RALGAPA1: variants seen among roughly 807,000 people sequenced by gnomAD.
The protein encoded by RALGAPA1 is ral GTPase-activating protein subunit alpha-1.
Under a neutral mutation model 269.6 loss-of-function variants are expected in RALGAPA1, and 52 were observed. That is an observed-to-expected ratio of 0.19 (90% CI 0.15 to 0.24). RALGAPA1 has a LOEUF of 0.24. Among genes scored for constraint, RALGAPA1 ranks in the 10% least tolerant of loss-of-function variants. The pLI, the probability that RALGAPA1 is intolerant of heterozygous loss-of-function variation, is 1.00. For missense variants in RALGAPA1, 1,917 were observed against 3,013.9 expected (o/e 0.64, Z 8.52); for synonymous variants, 817 against 1,008.3 (o/e 0.81, Z 3.60).
intron 16 of RALGAPA1, among the ~76,000 whole-genome samples, chr14:35,714,228 G>A (rs542943056): frequency 2.0e-5 from 3 of 152,126 alleles, no homozygotes; most frequent in Admixed American, 6.5e-5. Flanking sequence ...CAAAGTAGCC[G>A]TACCATTTTA....
At chr14:35,796,503 A>G (rs1465929054) in intron 1 of RALGAPA1, among the ~76,000 whole-genome samples, 1 of 152,196 alleles carries the variant, frequency 6.6e-6, no homozygotes, top group Admixed American at 6.5e-5. Context: ...AGTTTGATGA[A>G]AACTATAAAC....
intron 13 of RALGAPA1, among the ~76,000 whole-genome samples, chr14:35,727,556 T>C (rs924571124): frequency 2.6e-5 from 4 of 151,726 alleles, no homozygotes; most frequent in African/African-American, 9.7e-5. Flanking sequence ...TCCAATCAAT[T>C]AGACAACTAT....
Position 35,760,992 on chromosome 14 carries a change from A to G in RALGAPA1, c.384T>C (p.Gly128=). Residue 128 remains glycine, a synonymous_variant, in exon 6 of 42, where the codon GGT becomes GGC. Transcript: ENST00000680220. ...GCAACCATAGTAAGAAAAGACGAACACCTTCCCGCCTAATCTAAAATAAAA... is the reference window on the plus strand; with the variant it reads ...GCAACCATAGTAAGAAAAGACGAACGCCTTCCCGCCTAATCTAAAATAAAA... ...TGNSLKIRRE[G]VRLFLLWLQA... is the part of the protein sequence containing the mutation. 1.9e-6 allele frequency: 3 copies of G among 1,596,652 alleles called. 1 individual carries two copies.
At chr14:35,743,092 T>C (rs1457069346) in intron 10 of RALGAPA1, among the ~76,000 whole-genome samples, 1 of 151,914 alleles carries the variant, frequency 6.6e-6, no homozygotes, top group South Asian at 2.1e-4. Flanking sequence ...GAAGAAACTG[T>C]AGTACCTAGA....
intron 26 of RALGAPA1, among the ~76,000 whole-genome samples, chr14:35,665,615 T>C (rs1399425065): frequency 1.3e-5 from 2 of 152,176 alleles, no homozygotes; most frequent in Non-Finnish European, 2.9e-5. Context: ...TATTATATGA[T>C]TTTCAACAAA....
intron 37 of RALGAPA1, among the ~76,000 whole-genome samples, chr14:35,590,834 C>G (rs1307203129): frequency 1.3e-5 from 2 of 152,156 alleles, no homozygotes; most frequent in Non-Finnish European, 2.9e-5. Flanking sequence ...GTGCGAAGAG[C>G]TTTGATATCA....
Position 35,627,121 on chromosome 14 carries a change from T to C in RALGAPA1, c.6826A>G (p.Ser2276Gly). 1 of 1,560,052 alleles carries C rather than the reference T, an allele frequency of 6.4e-7. No individual in the cohort carries two copies. Among genetic ancestry groups the C allele is most frequent in the Non-Finnish European group, 8.6e-7 (1 of 1,159,652 alleles). ...SAFYYCRLLL[S>G]ILGMNSWDKR... ...TCCCAGGAATTCATTCCCAATATAC[T>C]AAGAAGCAATCTGCAATAATAAAAT... The change falls in exon 34 of 42, where the codon AGT (serine) becomes GGT (glycine). Residue 2276 changes from serine (S) to glycine (G), a missense_variant. Around this residue, in one of 11 missense-constraint regions of RALGAPA1, gnomAD observed 132 missense variants for 271.2 expected, o/e 0.49. Coordinates refer to ENST00000680220, the MANE Select transcript of RALGAPA1 (RefSeq NM_001346249.2).
chr14:35,693,194 T>C, intron 17 of RALGAPA1, among the ~76,000 whole-genome samples: 1 of 151,824 alleles, frequency 6.6e-6, no homozygotes, highest in African/African-American at 2.4e-5. Context: ...TAAAAAACCA[T>C]AAAGCCAGGC....
chr14:35,691,410 A>C (rs1229923352), intron 17 of RALGAPA1, among the ~76,000 whole-genome samples: 1 of 152,230 alleles, frequency 6.6e-6, no homozygotes, highest in African/African-American at 2.4e-5. Context: ...TCAGCAAAAT[A>C]TAATGAAGAA....
intron 26 of RALGAPA1, among the ~76,000 whole-genome samples, chr14:35,668,082 T>C (rs1485075893): frequency 2.6e-5 from 4 of 152,184 alleles, no homozygotes; most frequent in Non-Finnish European, 5.9e-5. Flanking sequence ...TTCTCTTTCA[T>C]ATGTGGGAGC....
At chr14:35,575,474 A>C (rs2057492085) in intron 37 of RALGAPA1, among the ~76,000 whole-genome samples, 1 of 152,204 alleles carries the variant, frequency 6.6e-6, no homozygotes, top group Non-Finnish European at 1.5e-5. Context: ...GAGACCTTAA[A>C]GTTCTAATTT....
At chr14:35,714,995 C>T (rs576345714) in intron 16 of RALGAPA1, among the ~76,000 whole-genome samples, 18 of 152,284 alleles carry the variant, frequency 1.2e-4, no homozygotes, top group Admixed American at 9.8e-4. Context: ...CATTTTTTCT[C>T]TTTGCAGTCT....
intron 38 of RALGAPA1, among the ~76,000 whole-genome samples, chr14:35,572,027 A>G (rs1048998408): frequency 6.6e-6 from 1 of 152,220 alleles, no homozygotes; most frequent in African/African-American, 2.4e-5. Context: ...TTATCCTGGA[A>G]GAAAATATTT....
At chr14:35,668,796 C>A (rs1335950322) in intron 26 of RALGAPA1, among the ~76,000 whole-genome samples, 1 of 151,888 alleles carries the variant, frequency 6.6e-6, no homozygotes, top group Non-Finnish European at 1.5e-5. Flanking sequence ...CAGAGCAAGA[C>A]CCTGATATCT....
intron 39 of RALGAPA1, among the ~76,000 whole-genome samples, chr14:35,562,991 A>G (rs903001265): frequency 2.3e-5 from 3 of 128,872 alleles, no homozygotes; most frequent in African/African-American, 8.9e-5. Context: ...ACTGTACTCC[A>G]GCCTGGGCAA....
intron 10 of RALGAPA1, among the ~76,000 whole-genome samples, chr14:35,746,470 A>G (rs140249422): frequency 6.6e-6 from 1 of 152,336 alleles, no homozygotes; most frequent in African/African-American, 2.4e-5. Flanking sequence ...GATTGATTGT[A>G]GTAATCATCC....
chr14:35,652,540 G>C (rs1045035236), intron 30 of RALGAPA1, among the ~76,000 whole-genome samples: 15 of 152,038 alleles, frequency 9.9e-5, no homozygotes, highest in Middle Eastern at 3.2e-3. Context: ...GAGTAGCTGG[G>C]ATTACAGGTG....
At chr14:35,540,134 C>A (rs1404847936) in intron 41 of RALGAPA1, among the ~76,000 whole-genome samples, 1 of 151,898 alleles carries the variant, frequency 6.6e-6, no homozygotes, top group Non-Finnish European at 1.5e-5. Context: ...TTTGGAACCA[C>A]GGGTTTCAAA....
Position 35,539,657 on chromosome 14 carries a change from G to T in RALGAPA1, c.*57C>A. 1.2e-6 allele frequency: 2 copies of T among 1,614,124 alleles called. No individual in the cohort carries two copies. Among genetic ancestry groups the T allele is most frequent in the Non-Finnish European group, 1.7e-6 (2 of 1,180,020 alleles). On this transcript the variant is annotated 3_prime_UTR_variant, in exon 42 of 42. Transcript: ENST00000680220. ...AGCCCCATCTACCTGCGTTGCTGTG[G>T]GAGTTTCACTGGGTAGAATCTCTGG... is the stretch of plus-strand genomic sequence containing the variant.
Sources: allele counts gnomAD v4.1 joint callset (sites outside exome capture counted in the v4.1 genomes callset), GRCh38; gene constraint gnomAD v4.1.1; regional missense constraint gnomAD v4.1.1; transcripts MANE v1.5; gene names NCBI Gene and HGNC (gene_info 2026-07-23, HGNC 2026-07-21).